The following OR1D2 variants were observed in gnomAD, a reference collection of about 807,000 sequenced individuals.
OR1D2 encodes olfactory receptor family 1 subfamily D member 2.
For synonymous variants in OR1D2, 157 were observed against 153.9 expected, an observed-to-expected ratio of 1.02 and a Z score of -0.15; for missense variants, 357 against 376.1, an observed-to-expected ratio of 0.95 and a Z score of 0.42.
At position 3,092,740 on chromosome 17, in the gene OR1D2, T is replaced by C; in HGVS notation, c.257A>G (p.Gln86Arg). ...NTIPKMLVNL[Q>R]SHNKAISYAG... ...ATAGGAGATGGCTTTGTTATGGGAC[T>C]GGAGGTTCACCAGCATCTTGGGGAT... The change falls in exon 2 of 2, where the codon CAG becomes CGG. Residue 86 changes from glutamine (Q) to arginine (R), a missense_variant. Coordinates refer to ENST00000641833, the MANE Select transcript of OR1D2 (RefSeq NM_002548.3). 6.2e-7 allele frequency: 1 copy of C among 1,614,128 alleles called. No individual in the cohort carries two copies. The highest frequency in any genetic ancestry group is 8.5e-7 in the Non-Finnish European group (1 of 1,180,030).
Position 3,091,724 on chromosome 17 carries a change from C to G in OR1D2, c.*334G>C, listed in dbSNP as rs7213609. ...TATCAGCTACTATTTACTTTCTGTA[C>G]TTTGGATGTGTGCTAGATGAGAGAC... On this transcript the variant is annotated 3_prime_UTR_variant, in exon 2 of 2. Coordinates refer to ENST00000641833, the MANE Select transcript of OR1D2 (RefSeq NM_002548.3). 13,239 of 197,066 alleles carry G rather than the reference C, an allele frequency of 0.067. 610 individuals are homozygous for G. Among genetic ancestry groups the G allele is most frequent in the Admixed American group, 0.16 (3,162 of 19,226 alleles). The allele number at this position is 197,066 out of a possible 1,614,324, so 12.2% of individuals were successfully genotyped here. A position where few individuals can be genotyped will look rare whatever the true frequency, so the allele number is the denominator to read the frequency against.
intron 1 of OR1D2, among the ~76,000 whole-genome samples, chr17:3,093,509 C>T (rs1048396198): frequency 2.0e-5 from 3 of 152,122 alleles, no homozygotes; most frequent in African/African-American, 7.2e-5. Context: ...AGATAGTACG[C>T]ACTGCCACTT....
In OR1D2 at chr17:3,088,723, A is replaced by G. The variant is rs958131854; in HGVS notation, c.*3335T>C. 7.9e-5 allele frequency: 12 copies of G among 152,222 alleles called. No homozygotes were observed. The highest frequency in any genetic ancestry group is 2.9e-4 in the African/African-American group (12 of 41,452). The allele number at this position is 152,222 out of a possible 1,614,324, so 9.4% of individuals were successfully genotyped here. A position where few individuals can be genotyped will look rare whatever the true frequency, so the allele number is the denominator to read the frequency against. On this transcript the variant is annotated 3_prime_UTR_variant, in exon 2 of 2. Transcript: ENST00000641833. ...TTTCCATACAATGTCTGTAATCTATAGATAACATAACCAGTTAGGTCAGGG... is the reference window on the plus strand; with the variant it reads ...TTTCCATACAATGTCTGTAATCTATGGATAACATAACCAGTTAGGTCAGGG...
intron 1 of OR1D2, among the ~76,000 whole-genome samples, 172 bp from the exon 2 acceptor site, chr17:3,093,218 G>T (rs1259338807): frequency 2.0e-5 from 3 of 152,124 alleles, no homozygotes; most frequent in African/African-American, 7.2e-5. Context: ...AATGTTAAAG[G>T]AATAATGTGT....
At position 3,092,720 on chromosome 17, in the gene OR1D2, A is replaced by G. The variant is rs2047821280; in HGVS notation, c.277T>C (p.Ser93Pro). 1 of 1,614,124 alleles carries G rather than the reference A, an allele frequency of 6.2e-7. No homozygotes were observed. The highest frequency in any genetic ancestry group is 2.2e-5 in the East Asian group (1 of 44,882). The change falls in exon 2 of 2, where the codon TCC (serine) becomes CCC (proline). Residue 93 changes from serine to proline, a missense_variant. Coordinates refer to ENST00000641833, the MANE Select transcript of OR1D2 (RefSeq NM_002548.3). Reference sequence around the variant, plus strand: ...AGCTGTGTCAGACACCCTGCATAGGAGATGGCTTTGTTATGGGACTGGAGG... The same window carrying G: ...AGCTGTGTCAGACACCCTGCATAGGGGATGGCTTTGTTATGGGACTGGAGG... ...VNLQSHNKAI[S>P]YAGCLTQLYF... is the part of the protein sequence containing the mutation.
chr17:3,097,707 G>A (rs1312932213), intron 1 of OR1D2, among the ~76,000 whole-genome samples: 2 of 152,220 alleles, frequency 1.3e-5, no homozygotes, highest in Non-Finnish European at 2.9e-5. Flanking sequence ...TGCTGTCTAA[G>A]CTGTTTGAGC....
chr17:3,092,505 G>A lies in OR1D2; in HGVS notation c.492C>T (p.Thr164=). 2 of 1,614,174 alleles carry A rather than the reference G, an allele frequency of 1.2e-6. No individual in the cohort carries two copies. The highest frequency in any genetic ancestry group is 1.7e-6 in the Non-Finnish European group (2 of 1,180,046). The change falls in exon 2 of 2, where the codon ACC becomes ACT. Residue 164 remains threonine (T), a synonymous_variant. Coordinates refer to ENST00000641833, the MANE Select transcript of OR1D2 (RefSeq NM_002548.3). ...LYGLIHTLLM[T]RVTFCGSRKI... The stretch of plus-strand genomic sequence containing the variant: ...TTCGTGACCCACAGAAGGTCACTCT[G>A]GTCATGAGGAGGGTGTGTATGAGGC...
Position 3,092,598 on chromosome 17 carries a change from G to T in OR1D2, c.399C>A (p.Thr133=). The T allele has an allele frequency of 6.2e-7, 1 of 1,614,098 alleles. No individual in the cohort carries two copies. The highest frequency in any genetic ancestry group is 1.1e-5 in the South Asian group (1 of 91,078). The change falls in exon 2 of 2, where the codon ACC becomes ACA. Residue 133 remains threonine (T), a synonymous_variant. Transcript: ENST00000641833. ...YVAICCPLHY[T]TAMSPKLCIL... is the part of the protein sequence containing the mutation. ...TACAGAGCTTAGGGCTCATGGCTGTGGTGTAGTGGAGGGGGCAGCAGATGG... is the reference window on the plus strand; with the variant it reads ...TACAGAGCTTAGGGCTCATGGCTGTTGTGTAGTGGAGGGGGCAGCAGATGG...
At chr17:3,093,727 C>T (rs2047828930) in intron 1 of OR1D2, among the ~76,000 whole-genome samples, 1 of 152,074 alleles carries the variant, frequency 6.6e-6, no homozygotes, top group African/African-American at 2.4e-5. Flanking sequence ...CTATCTCATC[C>T]CCACTGTCAA....
At chr17:3,101,849 T>G (rs1389846464) in intron 1 of OR1D2, among the ~76,000 whole-genome samples, 1 of 152,096 alleles carries the variant, frequency 6.6e-6, no homozygotes, top group Non-Finnish European at 1.5e-5. Context: ...GTGCAAAAAT[T>G]ATAAGCATTC....
chr17:3,092,254 A>G lies in OR1D2; in HGVS notation c.743T>C (p.Val248Ala). 6.2e-7 allele frequency: 1 copy of G among 1,614,152 alleles called. No homozygotes were observed. The highest frequency in any genetic ancestry group is 8.5e-7 in the Non-Finnish European group (1 of 1,180,020). ...ACAAAGTGTCCCATAGAAGAGGGAG[A>G]CTGCACCCAAATGGGAGGCACAGGT... ...FSTCASHLGA[V>A]SLFYGTLCMV... Residue 248 changes from valine to alanine, a missense_variant, in exon 2 of 2, where the codon GTC becomes GCC. Transcript: ENST00000641833.
chr17:3,097,812 G>A (rs2047853771), intron 1 of OR1D2, among the ~76,000 whole-genome samples: 1 of 152,116 alleles, frequency 6.6e-6, no homozygotes, highest in Admixed American at 6.5e-5. Flanking sequence ...CATCTCTATA[G>A]CTCCAGCCCA....
intron 1 of OR1D2, among the ~76,000 whole-genome samples, chr17:3,097,583 C>G (rs1304262792): frequency 6.6e-6 from 1 of 152,180 alleles, no homozygotes; most frequent in East Asian, 1.9e-4. Flanking sequence ...CCACTGGTGC[C>G]TAGGGTACCA....
In OR1D2 at chr17:3,092,378, A is replaced by C; in HGVS notation, c.619T>G (p.Phe207Val). The C allele has an allele frequency of 6.2e-7, 1 of 1,614,240 alleles. No homozygotes were observed. Among genetic ancestry groups the C allele is most frequent in the South Asian group, 1.1e-5 (1 of 91,084 alleles). ...ATCACGAATCCAAAGGGAATGAGGAAGATGAAGCAGCCTGTGGCAATCAGC... is the reference window on the plus strand; with the variant it reads ...ATCACGAATCCAAAGGGAATGAGGACGATGAAGCAGCCTGTGGCAATCAGC... ...TVLIATGCFI[F>V]LIPFGFVIIS... The change falls in exon 2 of 2, where the codon TTC becomes GTC. Residue 207 changes from phenylalanine to valine, a missense_variant. Transcript: ENST00000641833.
At chr17:3,100,327 C>G (rs1037492181) in intron 1 of OR1D2, among the ~76,000 whole-genome samples, 3 of 152,184 alleles carry the variant, frequency 2.0e-5, no homozygotes, top group Non-Finnish European at 2.9e-5. Flanking sequence ...ATAACAGTCT[C>G]TCAGACCACA....
rs529586571 is a variant in OR1D2 at position 3,098,462 on chromosome 17, A to G, written c.-50-5416T>C. On this transcript the variant is annotated intron_variant, in intron 1 of 1. Transcript: ENST00000641833. Reference sequence around the variant, plus strand: ...TTGAAAGAAAAACAAACAGAAAGCAACAACAGCAGCATCAACAACAGCAAA... The same window carrying G: ...TTGAAAGAAAAACAAACAGAAAGCAGCAACAGCAGCATCAACAACAGCAAA... Among the ~76,000 whole-genome samples, 211 of 152,262 alleles carry G rather than the reference A, an allele frequency of 1.4e-3. 1 individual carries two copies. Among genetic ancestry groups the G allele is most frequent in the Admixed American group, 2.4e-3 (37 of 15,278 alleles).
chr17:3,102,861 G>T (rs1426117797), intron 1 of OR1D2, among the ~76,000 whole-genome samples: 1 of 152,090 alleles, frequency 6.6e-6, no homozygotes, highest in Non-Finnish European at 1.5e-5. Flanking sequence ...TTCTAGTAGG[G>T]AACCCACTCT....
chr17:3,097,054 G>GA (rs1189173570), intron 1 of OR1D2, among the ~76,000 whole-genome samples: 2 of 152,120 alleles, frequency 1.3e-5, no homozygotes, highest in East Asian at 1.9e-4. Flanking sequence ...ATGAATAGCA[G>GA]AAAAAATTGA....
intron 1 of OR1D2, among the ~76,000 whole-genome samples, chr17:3,101,273 A>G (rs775574403): frequency 3.3e-5 from 5 of 152,210 alleles, no homozygotes; most frequent in Admixed American, 2.6e-4. Flanking sequence ...AAAATCCTCA[A>G]TAAAATACTG....
Sources: allele counts gnomAD v4.1 joint callset (sites outside exome capture counted in the v4.1 genomes callset), GRCh38; gene constraint gnomAD v4.1.1; transcripts MANE v1.5; gene names NCBI Gene and HGNC (gene_info 2026-07-23, HGNC 2026-07-21).